PHACTR3: variants seen among roughly 807,000 people sequenced by gnomAD.
The protein encoded by PHACTR3 is phosphatase and actin regulator 3.
In PHACTR3, 16 loss-of-function variants were observed where a neutral mutation model predicts 66.8. The ratio of observed to expected loss-of-function variants is 0.24; its 90% CI spans 0.16 to 0.36. PHACTR3 has a LOEUF of 0.36. Among genes scored for constraint, PHACTR3 ranks in the 10% least tolerant of loss-of-function variants. The probability of loss-of-function intolerance (pLI) is 1.00; values close to 1 mark genes in which losing one functional copy is unlikely to be tolerated. For synonymous variants in PHACTR3, 323 were observed against 292.1 expected (o/e 1.11, Z -1.08); for missense variants, 647 against 719.9 (o/e 0.90, Z 1.16).
At chr20:59,587,968 G>C (rs542043866) in intron 1 of PHACTR3, among the ~76,000 whole-genome samples, 5 of 152,294 alleles carry the variant, frequency 3.3e-5, no homozygotes, top group Admixed American at 2.0e-4. Context: ...GGGTCTTCCA[G>C]GTTCATCTCC....
intron 1 of PHACTR3, among the ~76,000 whole-genome samples, chr20:59,595,784 G>A (rs191464947): frequency 4.6e-5 from 7 of 152,250 alleles, no homozygotes; most frequent in East Asian, 1.9e-4. Flanking sequence ...GTGTGTACGC[G>A]TTAAGGATTA....
chr20:59,601,646 T>A (rs1005502431), upstream of PHACTR3, among the ~76,000 whole-genome samples: 6 of 152,214 alleles, frequency 3.9e-5, no homozygotes, highest in Non-Finnish European at 7.3e-5. Flanking sequence ...CCAAAGTCTC[T>A]CCGGCAGGCA....
At chr20:59,835,540 T>C (rs1339754658) in intron 8 of PHACTR3, among the ~76,000 whole-genome samples, 1 of 152,174 alleles carries the variant, frequency 6.6e-6, no homozygotes, top group Non-Finnish European at 1.5e-5. Flanking sequence ...ATTCAAATAC[T>C]GGGCCCTGTT....
intron 5 of PHACTR3, among the ~76,000 whole-genome samples, chr20:59,772,081 C>T (rs1206781561): frequency 6.6e-6 from 1 of 152,202 alleles, no homozygotes; most frequent in Non-Finnish European, 1.5e-5. Context: ...GTAGGCTAAG[C>T]CTTTGAGAGC....
intron 7 of PHACTR3, among the ~76,000 whole-genome samples, chr20:59,783,594 G>T (rs1299181310): frequency 2.6e-5 from 4 of 152,338 alleles, no homozygotes; most frequent in African/African-American, 9.6e-5. Flanking sequence ...AGAGGAAAAT[G>T]AGGCAAAGAG....
chr20:59,705,816 C>T (rs1362172899), intron 1 of PHACTR3, among the ~76,000 whole-genome samples: 2 of 152,202 alleles, frequency 1.3e-5, no homozygotes, highest in African/African-American at 4.8e-5. Flanking sequence ...GCTGCTGGAT[C>T]ACTGGTCTTT....
At chr20:59,620,720 C>G (rs75613100) in intron 1 of PHACTR3, among the ~76,000 whole-genome samples, 2 of 152,194 alleles carry the variant, frequency 1.3e-5, no homozygotes, top group African/African-American at 4.8e-5. Flanking sequence ...CTTTGTAATT[C>G]GTCAGCGTTT....
chr20:59,627,352 A>G (rs2034492292), intron 1 of PHACTR3, among the ~76,000 whole-genome samples: 1 of 152,188 alleles, frequency 6.6e-6, no homozygotes, highest in Admixed American at 6.5e-5. Context: ...CTCTGCTTTT[A>G]GGAGAATCCA....
rs115493356 is a variant in PHACTR3 at position 59,578,473 on chromosome 20, G to A, written c.109+856G>A. 5.0e-3 allele frequency among the ~76,000 whole-genome samples: 757 copies of A among 152,338 alleles called. 5 individuals are homozygous for A. Among genetic ancestry groups the A allele is most frequent in the African/African-American group, 0.017 (723 of 41,578 alleles). ...GCCTGCCCCTTGCAATCTCCTGGGA[G>A]AATCTGTGTTTTTAACCAAAGCACC... On this transcript the variant is annotated intron_variant, in intron 1 of 12. Coordinates refer to the PHACTR3 transcript ENST00000359926.
At chr20:59,807,799 C>T (rs1259366153) in intron 8 of PHACTR3, among the ~76,000 whole-genome samples, 3 of 152,274 alleles carry the variant, frequency 2.0e-5, no homozygotes, top group East Asian at 1.9e-4. Context: ...TCGTATATGT[C>T]GTGTATCATT....
At chr20:59,745,478 G>C (rs373827180) in intron 2 of PHACTR3, among the ~76,000 whole-genome samples, 2 of 151,960 alleles carry the variant, frequency 1.3e-5, no homozygotes, top group East Asian at 3.9e-4. Context: ...CCACCTTCAG[G>C]ACCGCCATTC....
rs528440894 is a variant in PHACTR3, at chr20:59,796,133, G to T, written c.1175-9908G>T. Among the ~76,000 whole-genome samples, 4 of 152,042 alleles carry T rather than the reference G, an allele frequency of 2.6e-5. No individual in the cohort carries two copies. In the South Asian group the frequency reaches 8.3e-4, roughly 32 times the overall value. ...CCTTGTTCTCATTTGTGTATCTGCT[G>T]TAATTTTTTTGTTACCATGGGGCTT... is the stretch of plus-strand genomic sequence containing the variant. On this transcript the variant is annotated intron_variant, in intron 7 of 12. Coordinates refer to ENST00000371015, the MANE Select transcript of PHACTR3 (RefSeq NM_080672.5).
At position 59,816,384 on chromosome 20, in the gene PHACTR3, C is replaced by T. The variant is rs78629391; in HGVS notation, c.1328+10190C>T. The stretch of plus-strand genomic sequence containing the variant: ...GACCCCTGTTCTAGAGCAGTCTGCA[C>T]GCTGGGGACTCTGGGTCCATGACAG... On this transcript the variant is annotated intron_variant, in intron 8 of 12. Coordinates refer to ENST00000371015, the MANE Select transcript of PHACTR3 (RefSeq NM_080672.5). Among the ~76,000 whole-genome samples, 204 of 152,298 alleles carry T rather than the reference C, an allele frequency of 1.3e-3. 1 individual carries two copies. Among genetic ancestry groups the T allele is most frequent in the African/African-American group, 4.6e-3 (192 of 41,554 alleles).
rs113095672 is a variant in PHACTR3 at position 59,617,826 on chromosome 20, C to G, written c.118+12694C>G. Among the ~76,000 whole-genome samples, 178 of 152,356 alleles carry G rather than the reference C, an allele frequency of 1.2e-3. 1 individual carries two copies. Among genetic ancestry groups the G allele is most frequent in the African/African-American group, 4.1e-3 (172 of 41,574 alleles). On this transcript the variant is annotated intron_variant, in intron 1 of 12. Transcript: ENST00000371015. ...CCCTCTGTCCTTCTTCTTTCTCCTT[C>G]CCTTCCAGCAAATTTAGTGCCTATG...
At chr20:59,787,546 A>C (rs1254624524) in intron 7 of PHACTR3, among the ~76,000 whole-genome samples, 1 of 152,192 alleles carries the variant, frequency 6.6e-6, no homozygotes, top group Non-Finnish European at 1.5e-5. Context: ...TGCACAAGAG[A>C]TATAGGGACA....
intron 1 of PHACTR3, chr20:59,577,747 G>C (rs2146295467): frequency 1.8e-6 from 1 of 554,232 alleles, no homozygotes; most frequent in Non-Finnish European, 2.5e-6. Flanking sequence ...GAGGCCCGCT[G>C]CGCCCCCAGC....
chr20:59,818,121 C>G (rs957578306), intron 8 of PHACTR3, among the ~76,000 whole-genome samples: 4 of 152,174 alleles, frequency 2.6e-5, no homozygotes, highest in Non-Finnish European at 5.9e-5. Context: ...TCAGCTCCAC[C>G]CTTGCTCTAA....
intron 8 of PHACTR3, among the ~76,000 whole-genome samples, chr20:59,813,160 G>A (rs1172616271): frequency 2.6e-5 from 4 of 152,280 alleles, no homozygotes; most frequent in Admixed American, 1.3e-4. Context: ...TTCTGTGCTC[G>A]GTATGGTGTG....
chr20:59,709,008 C>T (rs2037817438), intron 1 of PHACTR3, among the ~76,000 whole-genome samples: 1 of 152,214 alleles, frequency 6.6e-6, no homozygotes, highest in African/African-American at 2.4e-5. Flanking sequence ...CGCCACCTTT[C>T]TGAAGTCTTC....
Sources: gnomAD v4.1 joint callset for allele counts (sites outside exome capture counted in the v4.1 genomes callset) on GRCh38, gnomAD v4.1.1 for gene constraint, MANE v1.5 for transcripts, NCBI Gene and HGNC (gene_info 2026-07-23, HGNC 2026-07-21) for gene names.